The following ADPRHL1 variants were observed in gnomAD, a reference collection of about 807,000 sequenced individuals.
ADPRHL1 encodes inactive ADP-ribosyltransferase ARH2.
In ADPRHL1, 43 loss-of-function variants were observed where a neutral mutation model predicts 44.1. That is an observed-to-expected ratio of 0.98 (90% confidence interval 0.76 to 1.26). The LOEUF (loss-of-function observed/expected upper bound fraction) is 1.26. Among genes scored for constraint, ADPRHL1 ranks in the 50% most tolerant of loss-of-function variants. ADPRHL1 has a pLI of 0.00. For synonymous variants in ADPRHL1, 878 were observed against 1,017.4 expected (o/e 0.86, Z 2.61); for missense variants, 2,022 against 2,496.9 (o/e 0.81, Z 4.05).
intron 7 of ADPRHL1, among the ~76,000 whole-genome samples, chr13:113,412,708 C>CCG (rs1260629076): frequency 1.5e-4 from 22 of 150,690 alleles, no homozygotes; most frequent in African/African-American, 1.5e-4. Context: ...CAACAGTGCC[C>CCG]CGGAGGCTCA....
At chr13:113,435,133 C>T (rs904715884) in intron 2 of ADPRHL1, among the ~76,000 whole-genome samples, 1 of 122,960 alleles carries the variant, frequency 8.1e-6, no homozygotes, top group Non-Finnish European at 1.7e-5. Context: ...AGGTGTACCC[C>T]AGGACCCGGC....
chr13:113,415,172 C>T (rs2043880852), intron 7 of ADPRHL1, among the ~76,000 whole-genome samples: 1 of 152,176 alleles, frequency 6.6e-6, no homozygotes, highest in Non-Finnish European at 1.5e-5. Flanking sequence ...GGGGCTGCAC[C>T]TTTGGGCTCC....
In ADPRHL1 at chr13:113,405,148, C is replaced by T. The variant is rs1224614071; in HGVS notation, c.4134G>A (p.Gly1378=). 1 of 1,231,934 alleles carries T rather than the reference C, an allele frequency of 8.1e-7. No homozygotes were observed. The highest frequency in any genetic ancestry group is 1.6e-5 in the African/African-American group (1 of 64,440). The allele number at this position is 1,231,934 out of a possible 1,614,324, so 76.3% of individuals were successfully genotyped here. A position where few individuals can be genotyped will look rare whatever the true frequency, so the allele number is the denominator to read the frequency against. ...CCTGTGCCTGGTGACTCTGTTGCCT[C>T]CCCAGGTCCGCCTGTGTCAGGGGAC... is the stretch of plus-strand genomic sequence containing the variant. ...QERPLTQADL[G]RQQSHQAQEE... Residue 1378 remains glycine, a synonymous_variant, in exon 8 of 8, where the codon GGG becomes GGA. Transcript: ENST00000612156.
chr13:113,439,112 T>C (rs2139642848), intron 2 of ADPRHL1, among the ~76,000 whole-genome samples: 1 of 152,292 alleles, frequency 6.6e-6, no homozygotes, highest in East Asian at 1.9e-4. Context: ...TGAAATTCTC[T>C]TTCCTTTTTT....
chr13:113,424,173 GGTGCTACC>G (rs1482635810), intron 6 of ADPRHL1, 36 bp downstream of exon 6: 1 of 1,608,492 alleles, frequency 6.2e-7, no homozygotes, highest in Non-Finnish European at 8.5e-7. Context: ...TCAGAAGAAG[GGTGCTACC>G]CTCCAGGAAG....
chr13:113,427,991 C>T (rs867459012), intron 4 of ADPRHL1, among the ~76,000 whole-genome samples: 21 of 152,326 alleles, frequency 1.4e-4, no homozygotes, highest in Middle Eastern at 3.4e-3. Context: ...TCAGACCAGG[C>T]GAGGTGGCTC....
In ADPRHL1 at chr13:113,409,940, G is replaced by A. The variant is rs1255838936; in HGVS notation, c.1062-1720C>T. 6.1e-6 allele frequency: 6 copies of A among 983,986 alleles called. No homozygotes were observed. Among genetic ancestry groups the A allele is most frequent in the Admixed American group, 6.2e-5 (1 of 16,248 alleles). The allele number at this position is 983,986 out of a possible 1,614,324, so 61.0% of individuals were successfully genotyped here. On this transcript the variant is annotated intron_variant, in intron 7 of 7. Transcript: ENST00000612156. The surrounding 1 kb of genome is among the most constrained non-coding windows in gnomAD (Gnocchi z 4.2). ...AGCTGAGCAGGCTGAAAAGAGACCG[G>A]AAGGAAATGTGTGAACATACTTCTC...
chr13:113,409,447 T>C lies in ADPRHL1; in HGVS notation c.1062-1227A>G. The C allele has an allele frequency of 5.1e-6, 5 of 985,370 alleles. No individual in the cohort carries two copies. The highest frequency in any genetic ancestry group is 6.0e-6 in the Non-Finnish European group (5 of 829,928). The allele number at this position is 985,370 out of a possible 1,614,324, so 61.0% of individuals were successfully genotyped here. ...GTCGCCTTCATGGTGCCGTTTATAA[T>C]GTTGAAAAATCTAGAGCATCCTCGA... On this transcript the variant is annotated intron_variant, in intron 7 of 7. Coordinates refer to ENST00000612156, the MANE Select transcript of ADPRHL1 (RefSeq NM_001394807.1). This position sits in a 1 kb window ranked among gnomAD's most constrained non-coding sequence, Gnocchi z 4.2.
At chr13:113,446,225 C>T (rs529916699) in intron 1 of ADPRHL1, among the ~76,000 whole-genome samples, 31 of 131,098 alleles carry the variant, frequency 2.4e-4, no homozygotes, top group African/African-American at 8.3e-4. Context: ...CCCTAGAGAG[C>T]GCTCAGGGCC....
In ADPRHL1 at chr13:113,441,340, C is replaced by T. The variant is rs1566480608; in HGVS notation, c.379+3085G>A. The stretch of plus-strand genomic sequence containing the variant: ...TTTGTCCCTCCTTCCCCCTTTTCTG[C>T]CTTTTTTGGGTTGAATGTTTCTCAA... On this transcript the variant is annotated intron_variant, in intron 2 of 7. Transcript: ENST00000612156. This position sits in a 1 kb window ranked among gnomAD's most constrained non-coding sequence, Gnocchi z 6.0. 6.6e-6 allele frequency among the ~76,000 whole-genome samples: 1 copy of T among 152,032 alleles called. No homozygotes were observed. Among genetic ancestry groups the T allele is most frequent in the Non-Finnish European group, 1.5e-5 (1 of 68,008 alleles).
chr13:113,414,768 C>T (rs1380277252), intron 7 of ADPRHL1, among the ~76,000 whole-genome samples: 7 of 151,828 alleles, frequency 4.6e-5, no homozygotes, highest in South Asian at 2.1e-4. Context: ...CTCCGCCTCC[C>T]GGGTTCAAGC....
chr13:113,406,801 C>G lies in ADPRHL1; in HGVS notation c.2481G>C (p.Ser827=). The G allele has an allele frequency of 8.1e-7, 1 of 1,232,030 alleles. No homozygotes were observed. The highest frequency in any genetic ancestry group is 4.2e-5 in the Admixed American group (1 of 23,722). 76.3% of individuals were successfully genotyped at this position (1,232,030 alleles called of 1,614,324 possible). The part of the protein sequence containing the change: ...PEHIPPLNAP[S]VQAARRTQPA... ...GCTGTGTTCTCCGAGCAGCCTGGACCGATGGAGCGTTCAGGGGTGGGATGT... is the reference window on the plus strand; with the variant it reads ...GCTGTGTTCTCCGAGCAGCCTGGACGGATGGAGCGTTCAGGGGTGGGATGT... The change falls in exon 8 of 8, where the codon TCG becomes TCC. Residue 827 remains serine (S), a synonymous_variant. Coordinates refer to ENST00000612156, the MANE Select transcript of ADPRHL1 (RefSeq NM_001394807.1).
At position 113,406,667 on chromosome 13, in the gene ADPRHL1, A is replaced by G. The variant is rs2139595027; in HGVS notation, c.2615T>C (p.Ile872Thr). 8.7e-7 allele frequency: 1 copy of G among 1,156,050 alleles called. No homozygotes were observed. The highest frequency in any genetic ancestry group is 2.9e-5 in the African/African-American group (1 of 34,648). The allele number at this position is 1,156,050 out of a possible 1,614,324, so 71.6% of individuals were successfully genotyped here. A position where few individuals can be genotyped will look rare whatever the true frequency, so the allele number is the denominator to read the frequency against. Residue 872 changes from isoleucine (I) to threonine (T), a missense_variant, in exon 8 of 8, where the codon ATT becomes ACT. Transcript: ENST00000612156. ...NMSSGENKPC[I>T]CGGENVVENA... ...TTCAACCACATTCTCTCCTCCACAAATACAAGGTTTGTTTTCACCACTTGA... is the reference window on the plus strand; with the variant it reads ...TTCAACCACATTCTCTCCTCCACAAGTACAAGGTTTGTTTTCACCACTTGA...
chr13:113,428,714 A>G (rs1266798918), intron 4 of ADPRHL1, among the ~76,000 whole-genome samples: 1 of 152,234 alleles, frequency 6.6e-6, no homozygotes, highest in African/African-American at 2.4e-5. Flanking sequence ...CGGCAGGCTC[A>G]GGTCTCTCTG....
Position 113,407,508 on chromosome 13 carries a change from C to T in ADPRHL1, c.1774G>A (p.Val592Met), listed in dbSNP as rs534312181. The T allele has an allele frequency of 1.2e-4, 148 of 1,232,188 alleles. No homozygotes were observed. In the African/African-American group the frequency reaches 2.0e-3, roughly 17 times the overall value. 76.3% of individuals were successfully genotyped at this position (1,232,188 alleles called of 1,614,324 possible). Residue 592 changes from valine to methionine, a missense_variant, in exon 8 of 8, where the codon GTG becomes ATG. By Grantham distance (21) the Val-to-Met change is conservative. Around this residue, in one of 8 missense-constraint regions of ADPRHL1, gnomAD observed 1,221 missense variants for 1,517.8 expected, o/e 0.80. Transcript: ENST00000612156. ...CTGGCCATGGTGGCCGTGTGCAGCA[C>T]GCGCACCTCCGGCCGGTGCATCCTC... The part of the protein sequence containing the change: ...RKRMHRPEVR[V>M]LHTATMASTC...
rs534706650 is a variant in ADPRHL1, at chr13:113,404,694, C to T, written c.4588G>A (p.Gly1530Arg). The stretch of plus-strand genomic sequence containing the variant: ...TTCTGGGCCTGTCCCTGACTGTGTC[C>T]CTGGGTCCCACCCTGAGCCTGTTCC... ...AQEQAQGGTQ[G>R]HSQGQAQKQF... The change falls in exon 8 of 8, where the codon GGA becomes AGA. Residue 1530 changes from glycine to arginine, a missense_variant. This residue lies in a region of ADPRHL1 where 32 missense variants were observed against 72.6 expected (regional missense o/e 0.44). Transcript: ENST00000612156. 176 of 1,286,350 alleles carry T rather than the reference C, an allele frequency of 1.4e-4. No individual in the cohort carries two copies. The African/African-American group carries it at 2.4e-3, about 17-fold the overall frequency. The allele number at this position is 1,286,350 out of a possible 1,614,324, so 79.7% of individuals were successfully genotyped here.
In ADPRHL1 at chr13:113,418,295, T is replaced by G. The variant is rs567175229; in HGVS notation, c.1061+4531A>C. 2.6e-5 allele frequency among the ~76,000 whole-genome samples: 4 copies of G among 152,278 alleles called. No individual in the cohort carries two copies. The East Asian group carries it at 7.7e-4, about 29-fold the overall frequency. Reference sequence around the variant, plus strand: ...ATTCAAATGCCACCTGCTGCATGGCTGGCCATTAGGGAGCCTGCAGCAGCA... The same window carrying G: ...ATTCAAATGCCACCTGCTGCATGGCGGGCCATTAGGGAGCCTGCAGCAGCA... On this transcript the variant is annotated intron_variant, in intron 7 of 7. Transcript: ENST00000612156.
intron 2 of ADPRHL1, among the ~76,000 whole-genome samples, chr13:113,438,806 G>A (rs2044078613): frequency 6.6e-6 from 1 of 152,186 alleles, no homozygotes; most frequent in Non-Finnish European, 1.5e-5. Context: ...TTATAGGTGT[G>A]AGCCACCACA....
intron 7 of ADPRHL1, 46 bp from the exon 8 acceptor site, chr13:113,408,266 C>A: frequency 1.6e-6 from 2 of 1,231,334 alleles, no homozygotes; most frequent in South Asian, 4.1e-5. Flanking sequence ...TCATTTTTCT[C>A]CAAGATGACT....
Sources: allele counts gnomAD v4.1 joint callset (sites outside exome capture counted in the v4.1 genomes callset), GRCh38; gene constraint gnomAD v4.1.1; regional missense constraint gnomAD v4.1.1; non-coding constraint Gnocchi (gnomAD v3.1); transcripts MANE v1.5; gene names NCBI Gene and HGNC (gene_info 2026-07-23, HGNC 2026-07-21).